The following OLA1 variants were observed in gnomAD, a reference collection of about 807,000 sequenced individuals.
OLA1 encodes the protein Obg like ATPase 1.
In OLA1, 14 loss-of-function variants were observed where a neutral mutation model predicts 48.4. That is an observed-to-expected ratio of 0.29 (90% CI 0.19 to 0.45). The LOEUF (loss-of-function observed/expected upper bound fraction) is 0.45, where lower values mean the gene tolerates loss of function less well. Among genes scored for constraint, OLA1 ranks in the 20% least tolerant of loss-of-function variants. OLA1 has a pLI of 1.00. For missense variants in OLA1, 325 were observed against 467.1 expected, an observed-to-expected ratio of 0.70 and a Z score of 2.80; for synonymous variants, 127 against 150.4, an observed-to-expected ratio of 0.84 and a Z score of 1.14.
intron 4 of OLA1, among the ~76,000 whole-genome samples, chr2:174,176,463 A>G (rs1313721798): frequency 6.6e-6 from 1 of 152,170 alleles, no homozygotes; most frequent in Non-Finnish European, 1.5e-5. Context: ...AAAAATATCA[A>G]TTTAAAATAC....
rs1453465547 is a variant in OLA1 at position 174,141,478 on chromosome 2, ACTT to A, written c.549+344_549+346del. On this transcript the variant is annotated intron_variant, in intron 5 of 10. Coordinates refer to ENST00000284719, the MANE Select transcript of OLA1 (RefSeq NM_013341.5). ...GGAGAACCAGGTCTTTGTATAAATC[ACTT>A]CTTCAAATCCATGAAAACTGTATGA... is the stretch of plus-strand genomic sequence containing the variant. Among the ~76,000 whole-genome samples the A allele has an allele frequency of 2.0e-5, 3 of 152,172 alleles. No homozygotes were observed. The South Asian group carries it at 6.2e-4, about 32-fold the overall frequency.
intron 3 of OLA1, among the ~76,000 whole-genome samples, chr2:174,225,493 G>A (rs571990628): frequency 1.1e-4 from 17 of 152,186 alleles, no homozygotes; most frequent in South Asian, 8.3e-4. Flanking sequence ...AGGTTGCAGT[G>A]AGCTGAGATC....
chr2:174,087,255 A>C (rs1685002989), intron 7 of OLA1, among the ~76,000 whole-genome samples: 1 of 151,698 alleles, frequency 6.6e-6, no homozygotes, highest in Non-Finnish European at 1.5e-5. Flanking sequence ...CGGTCTCTTG[A>C]CCTCAGGTGA....
chr2:174,118,424 T>C (rs1239530083), intron 7 of OLA1, among the ~76,000 whole-genome samples: 2 of 152,204 alleles, frequency 1.3e-5, no homozygotes, highest in Non-Finnish European at 2.9e-5. Flanking sequence ...AAATTCTTTG[T>C]GTAGATGAAT....
intron 4 of OLA1, among the ~76,000 whole-genome samples, chr2:174,222,606 C>T (rs1688532135): frequency 6.6e-6 from 1 of 152,162 alleles, no homozygotes; most frequent in African/African-American, 2.4e-5. Flanking sequence ...TTAATCCTTT[C>T]ATCTCTAATA....
chr2:174,246,383 C>G (rs192028953), intron 2 of OLA1, among the ~76,000 whole-genome samples: 9 of 152,100 alleles, frequency 5.9e-5, no homozygotes, highest in African/African-American at 1.9e-4. Flanking sequence ...CTCTTTATAA[C>G]AGCAAACCTT....
chr2:174,235,182 C>T (rs558659873), intron 2 of OLA1, among the ~76,000 whole-genome samples: 5 of 152,076 alleles, frequency 3.3e-5, no homozygotes, highest in Admixed American at 6.6e-5. Flanking sequence ...ATAAATAAAA[C>T]GTAAAACCCA....
chr2:174,230,741 T>G (rs923892653), intron 2 of OLA1, among the ~76,000 whole-genome samples: 1 of 152,198 alleles, frequency 6.6e-6, no homozygotes, highest in African/African-American at 2.4e-5. Flanking sequence ...ACAGGTCATC[T>G]GGGGGCTGGA....
At chr2:174,116,191 A>G (rs1470566394) in intron 7 of OLA1, among the ~76,000 whole-genome samples, 1 of 152,262 alleles carries the variant, frequency 6.6e-6, no homozygotes, top group Non-Finnish European at 1.5e-5. Flanking sequence ...ACAGGAGTAT[A>G]TGCAAAGTTC....
chr2:174,153,548 G>A (rs1337622443), intron 4 of OLA1, among the ~76,000 whole-genome samples: 1 of 138,780 alleles, frequency 7.2e-6, no homozygotes, highest in Non-Finnish European at 1.5e-5. Context: ...TCTTCTAAAT[G>A]TACAGAACAC....
chr2:174,222,269 T>C (rs1475410360), intron 4 of OLA1, among the ~76,000 whole-genome samples: 1 of 152,124 alleles, frequency 6.6e-6, no homozygotes, highest in African/African-American at 2.4e-5. Flanking sequence ...ATTAGTCAAA[T>C]TGCTATATTT....
chr2:174,238,532 A>G (rs1035879943), intron 2 of OLA1, among the ~76,000 whole-genome samples: 1 of 151,882 alleles, frequency 6.6e-6, no homozygotes, highest in African/African-American at 2.4e-5. Flanking sequence ...ACACCAATCA[A>G]AAACTTCACA....
intron 4 of OLA1, among the ~76,000 whole-genome samples, chr2:174,189,879 AAAACAC>A (rs1558996709): frequency 2.9e-5 from 1 of 34,268 alleles, no homozygotes; most frequent in Non-Finnish European, 5.3e-5. Context: ...AAAAAAAAAC[AAAACAC>A]ACACACACAC....
At chr2:174,188,684 T>A (rs1017948561) in intron 4 of OLA1, among the ~76,000 whole-genome samples, 1 of 152,206 alleles carries the variant, frequency 6.6e-6, no homozygotes, top group Non-Finnish European at 1.5e-5. Context: ...ATTGTCCCCA[T>A]GGGTGGCTGA....
intron 4 of OLA1, among the ~76,000 whole-genome samples, chr2:174,208,269 C>T (rs1462331616): frequency 1.3e-5 from 2 of 152,154 alleles, no homozygotes; most frequent in South Asian, 2.1e-4. Flanking sequence ...TCTTCAGAAT[C>T]GCTTAAAAAT....
chr2:174,209,970 A>G (rs1315726224), intron 4 of OLA1, among the ~76,000 whole-genome samples: 1 of 152,168 alleles, frequency 6.6e-6, no homozygotes, highest in Non-Finnish European at 1.5e-5. Flanking sequence ...AAATCTGTAT[A>G]GCTGCTAAAA....
chr2:174,092,854 T>TA (rs1447742821), intron 7 of OLA1, among the ~76,000 whole-genome samples: 5 of 152,078 alleles, frequency 3.3e-5, no homozygotes, highest in South Asian at 2.1e-4. Context: ...AGGCTATATA[T>TA]AAAAAAATCA....
At chr2:174,217,409 AATT>A (rs1574558308) in intron 4 of OLA1, among the ~76,000 whole-genome samples, 1 of 152,012 alleles carries the variant, frequency 6.6e-6, no homozygotes, top group Non-Finnish European at 1.5e-5. Context: ...CCAACCTGCT[AATT>A]ATTATCTAAA....
At chr2:174,121,815 G>C (rs1685921381) in intron 7 of OLA1, among the ~76,000 whole-genome samples, 1 of 152,100 alleles carries the variant, frequency 6.6e-6, no homozygotes, top group South Asian at 2.1e-4. Context: ...ATTAGAGCCA[G>C]GGAGTTCTAC....
Sources: allele counts gnomAD v4.1 joint callset (sites outside exome capture counted in the v4.1 genomes callset), GRCh38; gene constraint gnomAD v4.1.1; transcripts MANE v1.5; gene names NCBI Gene and HGNC (gene_info 2026-07-23, HGNC 2026-07-21).